The following SLC6A17 variants were observed in gnomAD, a reference collection of about 807,000 sequenced individuals.
SLC6A17 encodes the protein solute carrier family 6 member 17, also known as sodium-dependent neutral amino acid transporter SLC6A17.
A neutral mutation model predicts 64.5 loss-of-function variants in SLC6A17; 21 were observed. That is an observed-to-expected ratio of 0.33 (90% CI 0.23 to 0.47). SLC6A17 has a LOEUF of 0.47. Among genes scored for constraint, SLC6A17 ranks in the 20% least tolerant of loss-of-function variants. The probability of loss-of-function intolerance (pLI) is 1.00; values close to 1 mark genes in which losing one functional copy is unlikely to be tolerated. For missense variants in SLC6A17, 682 were observed against 963.2 expected, an observed-to-expected ratio of 0.71 and a Z score of 3.86; for synonymous variants, 372 against 399.5, an observed-to-expected ratio of 0.93 and a Z score of 0.82.
intron 1 of SLC6A17, among the ~76,000 whole-genome samples, chr1:110,157,096 G>A (rs1030322542): frequency 1.3e-5 from 2 of 152,086 alleles, no homozygotes; most frequent in African/African-American, 4.8e-5. Flanking sequence ...TTCCAAATTG[G>A]TATACTCTCA....
At position 110,176,722 on chromosome 1, in the gene SLC6A17, C is replaced by T; in HGVS notation, c.847C>T (p.His283Tyr). 6.2e-7 allele frequency: 1 copy of T among 1,613,780 alleles called. No individual in the cohort carries two copies. Among genetic ancestry groups the T allele is most frequent in the South Asian group, 1.1e-5 (1 of 91,044 alleles). ...GCGAGGGGCAGTTGATGGCATCCTA[C>T]ACATGTTCACTCCCAAGGTAAGGGT... ...LLRGAVDGIL[H>Y]MFTPKLDKML... Residue 283 changes from histidine to tyrosine, a missense_variant, in exon 6 of 12, where the codon CAC becomes TAC. By Grantham distance (83) the His-to-Tyr change is moderately conservative. Transcript: ENST00000331565.
At chr1:110,196,523 A>G (rs1656973287) in intron 10 of SLC6A17, among the ~76,000 whole-genome samples, 1 of 152,020 alleles carries the variant, frequency 6.6e-6, no homozygotes. Flanking sequence ...GCTGTGGGCC[A>G]GGGCTGTAAG....
At chr1:110,156,523 G>T (rs1031254481) in intron 1 of SLC6A17, among the ~76,000 whole-genome samples, 2 of 152,124 alleles carry the variant, frequency 1.3e-5, no homozygotes, top group Non-Finnish European at 2.9e-5. Context: ...ATGTCAAAAA[G>T]AATATAGCTA....
intron 3 of SLC6A17, 31 bp from the exon 4 acceptor site, chr1:110,173,942 C>T (rs754447011): frequency 1.2e-6 from 2 of 1,609,688 alleles, no homozygotes; most frequent in Non-Finnish European, 1.7e-6. Flanking sequence ...TGCCTGCAGC[C>T]TCAGTGACCC....
chr1:110,160,775 G>A (rs920809184), intron 1 of SLC6A17, among the ~76,000 whole-genome samples: 9 of 152,174 alleles, frequency 5.9e-5, no homozygotes, highest in African/African-American at 1.2e-4. Flanking sequence ...AGTGGAAGCC[G>A]AGGCCCGGGA....
At chr1:110,188,006 C>T (rs1259368136) in intron 6 of SLC6A17, among the ~76,000 whole-genome samples, 1 of 152,204 alleles carries the variant, frequency 6.6e-6, no homozygotes, top group Non-Finnish European at 1.5e-5. Flanking sequence ...TTTGATCCTC[C>T]AGAACTCACT....
At chr1:110,154,992 C>T (rs1022167571) in intron 1 of SLC6A17, among the ~76,000 whole-genome samples, 18 of 152,242 alleles carry the variant, frequency 1.2e-4, no homozygotes, top group African/African-American at 4.3e-4. Context: ...TGTCCGTGGC[C>T]GTTCTGGGAA....
At chr1:110,173,921 CAG>C in intron 3 of SLC6A17, 50 bp from the exon 4 acceptor site, 40 of 1,552,030 alleles carry the variant, frequency 2.6e-5, no homozygotes, top group South Asian at 1.5e-4. Context: ...AGCGTGGGGG[CAG>C]GGTGGAGTTG....
intron 4 of SLC6A17, 51 bp downstream of exon 4, chr1:110,174,150 G>T: frequency 6.2e-7 from 1 of 1,601,438 alleles, no homozygotes; most frequent in South Asian, 1.1e-5. Flanking sequence ...CCCAGGAAGG[G>T]GTCTCACAAG....
At chr1:110,197,370 G>A in intron 10 of SLC6A17, 67 bp from the exon 11 acceptor site, 1 of 1,544,408 alleles carries the variant, frequency 6.5e-7, no homozygotes, top group South Asian at 1.2e-5. Flanking sequence ...GGAGGAGATG[G>A]TGATGGGGGA....
In SLC6A17 at chr1:110,163,831, C is replaced by T. The variant is rs576741274; in HGVS notation, c.-87-3012C>T. ...TTTTGGGAGCTTTGTGTCTGCTGTT[C>T]GCTCTGCCAATGCTCTTTCCTGTCA... On this transcript the variant is annotated intron_variant, in intron 1 of 11. Coordinates refer to ENST00000331565, the MANE Select transcript of SLC6A17 (RefSeq NM_001010898.4). Among the ~76,000 whole-genome samples the T allele has an allele frequency of 1.4e-4, 21 of 152,240 alleles. No individual in the cohort carries two copies. The East Asian group carries it at 1.7e-3, about 13-fold the overall frequency.
Position 110,183,026 on chromosome 1 carries a change from A to G in SLC6A17, c.864+6287A>G, listed in dbSNP as rs182952330. Among the ~76,000 whole-genome samples the G allele has an allele frequency of 4.9e-3, 749 of 152,308 alleles. 3 individuals carry two copies. Among genetic ancestry groups the G allele is most frequent in the Non-Finnish European group, 8.6e-3 (584 of 68,026 alleles). On this transcript the variant is annotated intron_variant, in intron 6 of 11. Coordinates refer to ENST00000331565, the MANE Select transcript of SLC6A17 (RefSeq NM_001010898.4). Reference sequence around the variant, plus strand: ...TAATCCATCATACACCACTGGTGGGAATGTGAAATGGTATAATGGCTTTGG... The same window carrying G: ...TAATCCATCATACACCACTGGTGGGGATGTGAAATGGTATAATGGCTTTGG...
At chr1:110,173,510 G>C (rs1408903699) in intron 3 of SLC6A17, among the ~76,000 whole-genome samples, 2 of 152,158 alleles carry the variant, frequency 1.3e-5, no homozygotes, top group African/African-American at 2.4e-5. Flanking sequence ...TAACATGCCC[G>C]AGAGAGTGGA....
chr1:110,166,812 A>G (rs923707287), intron 1 of SLC6A17, 31 bp from the exon 2 acceptor site: 1 of 1,350,082 alleles, frequency 7.4e-7, no homozygotes, highest in African/African-American at 1.5e-5. Flanking sequence ...GTGTGGTCAG[A>G]TAATCCTTTA....
intron 11 of SLC6A17, 29 bp downstream of exon 11, chr1:110,197,628 A>T: frequency 6.4e-7 from 1 of 1,560,914 alleles, no homozygotes; most frequent in Non-Finnish European, 8.6e-7. Context: ...AACCCCAGGG[A>T]CATTTGCATC....
chr1:110,153,882 G>A (rs963328746), intron 1 of SLC6A17, among the ~76,000 whole-genome samples: 7 of 149,054 alleles, frequency 4.7e-5, no homozygotes, highest in African/African-American at 1.8e-4. Context: ...GGAGCACCAG[G>A]ATGGGGGAAA....
intron 1 of SLC6A17, among the ~76,000 whole-genome samples, chr1:110,153,830 C>T: frequency 6.6e-6 from 1 of 152,202 alleles, no homozygotes; most frequent in Non-Finnish European, 1.5e-5. Flanking sequence ...TTATCACTTG[C>T]TCCCAGGCTG....
chr1:110,176,476 G>A (rs927073938), intron 5 of SLC6A17, among the ~76,000 whole-genome samples, 153 bp from the exon 6 acceptor site: 7 of 152,174 alleles, frequency 4.6e-5, no homozygotes, highest in Non-Finnish European at 1.0e-4. Flanking sequence ...CATGCCAGAT[G>A]TGTGGCAGTT....
Position 110,195,621 on chromosome 1 carries a change from T to C in SLC6A17, c.1528T>C (p.Leu510=), listed in dbSNP as rs760776903. 1.2e-6 allele frequency: 2 copies of C among 1,614,234 alleles called. No individual in the cohort carries two copies. Among genetic ancestry groups the C allele is most frequent in the South Asian group, 1.1e-5 (1 of 91,084 alleles). Residue 510 remains leucine, a synonymous_variant, in exon 10 of 12, where the codon TTG becomes CTG. Transcript: ENST00000331565. The stretch of plus-strand genomic sequence containing the variant: ...TGTCTTTGCATTCCTCGTGGGGCTG[T>C]TGTTCGTCCAGCGCTCCGGAAACTA... ...CCVFAFLVGL[L]FVQRSGNYFV...
Sources: gnomAD v4.1 joint callset for allele counts (sites outside exome capture counted in the v4.1 genomes callset) on GRCh38, gnomAD v4.1.1 for gene constraint, MANE v1.5 for transcripts, NCBI Gene and HGNC (gene_info 2026-07-23, HGNC 2026-07-21) for gene names.